VAMP4: variants seen among roughly 807,000 people sequenced by gnomAD.
VAMP4 encodes vesicle-associated membrane protein 4.
VAMP4 carries 19 observed loss-of-function variants against 23.5 expected under a neutral mutation model. The ratio of observed to expected loss-of-function variants is 0.81; its 90% CI spans 0.56 to 1.19. The LOEUF is 1.19. VAMP4 is among the 50% of genes most tolerant of loss of function. The probability of loss-of-function intolerance (pLI) is 0.00; values close to 1 mark genes in which losing one functional copy is unlikely to be tolerated. For missense variants in VAMP4, 145 were observed against 168.6 expected (o/e 0.86, Z 0.78); for synonymous variants, 31 against 51.0 (o/e 0.61, Z 1.67).
At chr1:171,740,602 C>A (rs1345725919) in intron 1 of VAMP4, among the ~76,000 whole-genome samples, 2 of 152,270 alleles carry the variant, frequency 1.3e-5, no homozygotes, top group East Asian at 3.9e-4. Context: ...CCCTTTTATT[C>A]CTCATACTTT....
chr1:171,723,576 TA>T (rs1655269569), intron 3 of VAMP4, among the ~76,000 whole-genome samples: 1 of 152,246 alleles, frequency 6.6e-6, no homozygotes, highest in Non-Finnish European at 1.5e-5. Context: ...CAGTCAGACC[TA>T]ATGGTTATCT....
intron 2 of VAMP4, among the ~76,000 whole-genome samples, chr1:171,736,658 C>T (rs1250237261): frequency 2.4e-5 from 2 of 81,644 alleles, no homozygotes; most frequent in South Asian, 6.5e-4. Flanking sequence ...AAAAACAAAA[C>T]AAAACAAAAC....
chr1:171,706,757 C>T (rs958891941), intron 6 of VAMP4, among the ~76,000 whole-genome samples: 1 of 152,142 alleles, frequency 6.6e-6, no homozygotes, highest in African/African-American at 2.4e-5. Flanking sequence ...TGTTATTCAT[C>T]ATATCTTGAC....
intron 7 of VAMP4, among the ~76,000 whole-genome samples, chr1:171,705,906 A>C (rs1336088027): frequency 6.6e-6 from 1 of 152,092 alleles, no homozygotes; most frequent in East Asian, 1.9e-4. Flanking sequence ...AACAAAACAA[A>C]AACCAAACAA....
chr1:171,708,032 G>A (rs1198904903), intron 6 of VAMP4, among the ~76,000 whole-genome samples: 2 of 152,058 alleles, frequency 1.3e-5, no homozygotes, highest in African/African-American at 4.8e-5. Flanking sequence ...AAGTGTGGTG[G>A]CTCATGCCTG....
At chr1:171,728,632 G>A in intron 2 of VAMP4, 62 bp from the exon 3 acceptor site, 2 of 1,496,680 alleles carry the variant, frequency 1.3e-6, no homozygotes, top group South Asian at 2.6e-5. Context: ...ATGTCACAGA[G>A]GAGTAATGAA....
intron 3 of VAMP4, among the ~76,000 whole-genome samples, chr1:171,719,733 C>T (rs1655127802): frequency 6.6e-6 from 1 of 151,966 alleles, no homozygotes; most frequent in Non-Finnish European, 1.5e-5. Flanking sequence ...TTTGATTATT[C>T]ATCTTAAACT....
intron 6 of VAMP4, among the ~76,000 whole-genome samples, chr1:171,708,687 C>T (rs1654740280): frequency 6.8e-6 from 1 of 146,712 alleles, no homozygotes; most frequent in African/African-American, 2.5e-5. Context: ...ATGGAGAAAC[C>T]CCGTCTCTAC....
At position 171,702,105 on chromosome 1, in the gene VAMP4, T is replaced by A. The variant is rs562168617; in HGVS notation, c.*2401A>T. ...CTGAGCTGAATGAGAAAAAAAGTAA[T>A]TAAGGGAGGGAATAAAGGTAGGCCT... On this transcript the variant is annotated 3_prime_UTR_variant, in exon 8 of 8. Transcript: ENST00000236192. 3.3e-5 allele frequency: 5 copies of A among 152,142 alleles called. No individual in the cohort carries two copies. The highest frequency in any genetic ancestry group is 1.2e-4 in the African/African-American group (5 of 41,552). The allele number at this position is 152,142 out of a possible 1,614,324, so 9.4% of individuals were successfully genotyped here.
At chr1:171,740,376 A>C (rs1225662451) in intron 1 of VAMP4, among the ~76,000 whole-genome samples, 1 of 152,234 alleles carries the variant, frequency 6.6e-6, no homozygotes, top group Non-Finnish European at 1.5e-5. Flanking sequence ...AATGATATAC[A>C]CTTAAAAAAG....
Position 171,739,344 on chromosome 1 carries a change from T to A in VAMP4, c.-49-881A>T, listed in dbSNP as rs188140582. Reference sequence around the variant, plus strand: ...GAGAGCTTCCCAAAAGCTGAACAAGTAGAGAGTTCCTGGACGGTGGCACAC... The same window carrying A: ...GAGAGCTTCCCAAAAGCTGAACAAGAAGAGAGTTCCTGGACGGTGGCACAC... On this transcript the variant is annotated intron_variant, in intron 1 of 7. Coordinates refer to ENST00000236192, the MANE Select transcript of VAMP4 (RefSeq NM_003762.5). Among the ~76,000 whole-genome samples the A allele has an allele frequency of 4.3e-4, 65 of 152,258 alleles. 1 individual carries two copies. The East Asian group carries it at 0.012, about 28-fold the overall frequency.
At chr1:171,718,526 A>T (rs1308363937) in intron 4 of VAMP4, among the ~76,000 whole-genome samples, 1 of 152,080 alleles carries the variant, frequency 6.6e-6, no homozygotes, top group Non-Finnish European at 1.5e-5. Flanking sequence ...AGCATATTAT[A>T]CTCATCTATC....
chr1:171,735,817 C>G (rs16843227), intron 2 of VAMP4, among the ~76,000 whole-genome samples: 9,013 of 152,246 alleles, frequency 0.059, 359 homozygotes, highest in East Asian at 0.24. Flanking sequence ...GTATCATTTA[C>G]TTTAACAAAT....
rs971652763 is a variant in VAMP4 at position 171,726,065 on chromosome 1, T to TG, written c.113+2458dup. On this transcript the variant is annotated intron_variant, in intron 3 of 7. Coordinates refer to ENST00000236192, the MANE Select transcript of VAMP4 (RefSeq NM_003762.5). ...CAACAAAAAAAGTCACATTTTTTTT[T>TG]GGGGGGGGCGAAGTATCACTCTGTT... Among the ~76,000 whole-genome samples, 449 of 150,798 alleles carry TG rather than the reference T, an allele frequency of 3.0e-3. 3 individuals carry two copies. The highest frequency in any genetic ancestry group is 1.0e-2 in the African/African-American group (409 of 41,002).
Position 171,734,313 on chromosome 1 carries a change from G to A in VAMP4, c.66+4036C>T, listed in dbSNP as rs553946810. Among the ~76,000 whole-genome samples, 26 of 149,514 alleles carry A rather than the reference G, an allele frequency of 1.7e-4. 1 individual carries two copies. In the South Asian group the frequency reaches 4.2e-3, roughly 24 times the overall value. Reference sequence around the variant, plus strand: ...ATGAAGCACTGATATGCACTATAACGTTGAGGAATCTTAAAAACATTATGC... The same window carrying A: ...ATGAAGCACTGATATGCACTATAACATTGAGGAATCTTAAAAACATTATGC... On this transcript the variant is annotated intron_variant, in intron 2 of 7. Coordinates refer to ENST00000236192, the MANE Select transcript of VAMP4 (RefSeq NM_003762.5).
intron 4 of VAMP4, among the ~76,000 whole-genome samples, chr1:171,716,442 T>C (rs1209886381): frequency 6.6e-6 from 1 of 152,178 alleles, no homozygotes; most frequent in Non-Finnish European, 1.5e-5. Context: ...TTGAACAAAC[T>C]CTCTTTAAAA....
intron 5 of VAMP4, among the ~76,000 whole-genome samples, chr1:171,710,016 G>A (rs887826732): frequency 1.9e-4 from 29 of 151,874 alleles, no homozygotes; most frequent in Admixed American, 2.0e-4. Flanking sequence ...GGGCCTTAAT[G>A]CTTATAAATA....
Position 171,709,676 on chromosome 1 carries a change from G to T in VAMP4, c.334C>A (p.Arg112Ser). ...TCTGATTTACTTACTTTGCATCCAC[G>T]CCACCACATTTGCCTTCGAAGTTGT... ...SKQLRRQMWW[R>S]GCKIKAIMAL... The change falls in exon 6 of 8, where the codon CGT becomes AGT. Residue 112 changes from arginine to serine, a missense_variant. Transcript: ENST00000236192. 6.2e-7 allele frequency: 1 copy of T among 1,612,306 alleles called. No individual in the cohort carries two copies. The highest frequency in any genetic ancestry group is 8.5e-7 in the Non-Finnish European group (1 of 1,178,964).
intron 1 of VAMP4, among the ~76,000 whole-genome samples, chr1:171,738,730 G>T (rs1340251498): frequency 2.0e-5 from 3 of 152,222 alleles, no homozygotes; most frequent in African/African-American, 7.2e-5. Flanking sequence ...TTTATAAAAT[G>T]AAAGAGCAGA....
Sources: allele counts gnomAD v4.1 joint callset (sites outside exome capture counted in the v4.1 genomes callset), GRCh38; gene constraint gnomAD v4.1.1; transcripts MANE v1.5; gene names NCBI Gene and HGNC (gene_info 2026-07-23, HGNC 2026-07-21).